NCKAP1: variants seen among roughly 807,000 people sequenced by gnomAD.
NCKAP1 encodes nck-associated protein 1.
Under a neutral mutation model 151.2 loss-of-function variants are expected in NCKAP1, and 21 were observed. The observed-to-expected ratio is 0.14, with a 90% CI of 0.10 to 0.20. The LOEUF (loss-of-function observed/expected upper bound fraction) is 0.20, where lower values mean the gene tolerates loss of function less well. Ranked by LOEUF, NCKAP1 falls within the 10% of genes least tolerant of loss-of-function variation. The pLI, the probability that NCKAP1 is intolerant of heterozygous loss-of-function variation, is 1.00. For synonymous variants in NCKAP1, 484 were observed against 451.8 expected (o/e 1.07, Z -0.90); for missense variants, 933 against 1,352.1 (o/e 0.69, Z 4.86).
rs959410975 is a variant in NCKAP1 at position 182,930,575 on chromosome 2, C to T, written c.2953+120G>A. On this transcript the variant is annotated intron_variant, in intron 27 of 30. Transcript: ENST00000361354. ...GTCCAAGTACCAGCAATAATAATAA[C>T]AAATTTAAAAAGCTGAACACAAAGC... The T allele has an allele frequency of 4.0e-6, 3 of 747,496 alleles. No homozygotes were observed. The African/African-American group carries it at 5.4e-5, about 13-fold the overall frequency. 46.3% of individuals were successfully genotyped at this position (747,496 alleles called of 1,614,324 possible).
chr2:182,929,762 G>GA (rs57842206), intron 27 of NCKAP1, among the ~76,000 whole-genome samples: 2,737 of 131,984 alleles, frequency 0.021, 25 homozygotes, highest in South Asian at 0.041. Context: ...ATTGTTAAAT[G>GA]AAAAAAAAAA....
At chr2:182,958,235 C>G (rs1187783071) in intron 18 of NCKAP1, among the ~76,000 whole-genome samples, 1 of 152,156 alleles carries the variant, frequency 6.6e-6, no homozygotes, top group African/African-American at 2.4e-5. Context: ...GCAACCTCTG[C>G]CTCCTGGGTT....
intron 17 of NCKAP1, 114 bp downstream of exon 17, chr2:182,964,562 G>T: frequency 2.6e-6 from 2 of 761,208 alleles, no homozygotes; most frequent in Non-Finnish European, 3.9e-6. Flanking sequence ...GCATAGAGAT[G>T]TATTCGATGG....
rs745895485 is a variant in NCKAP1 at position 183,038,139 on chromosome 2, C to G, written c.-40G>C. On this transcript the variant is annotated 5_prime_UTR_variant, in exon 1 of 31. Coordinates refer to ENST00000361354, the MANE Select transcript of NCKAP1 (RefSeq NM_013436.5). ...CGCCGCCGCCGCCGGCCGCCTCGCG[C>G]CCAGTCACGGGCCCGCGGCCTTCGC... The G allele has an allele frequency of 1.4e-6, 2 of 1,457,404 alleles. No individual in the cohort carries two copies. Among genetic ancestry groups the G allele is most frequent in the Admixed American group, 2.2e-5 (1 of 45,184 alleles). The allele number at this position is 1,457,404 out of a possible 1,614,324, so 90.3% of individuals were successfully genotyped here.
intron 2 of NCKAP1, among the ~76,000 whole-genome samples, chr2:183,014,379 T>A (rs959767902): frequency 2.0e-5 from 3 of 151,920 alleles, no homozygotes; most frequent in Non-Finnish European, 2.9e-5. Flanking sequence ...GAGAGACTAT[T>A]CCAGATAGTA....
In NCKAP1 at chr2:182,934,751, C is replaced by T; in HGVS notation, c.2859+1G>A. 7.3e-7 allele frequency: 1 copy of T among 1,373,524 alleles called. No individual in the cohort carries two copies. Among genetic ancestry groups the T allele is most frequent in the Non-Finnish European group, 1.0e-6 (1 of 977,970 alleles). The allele number at this position is 1,373,524 out of a possible 1,614,324, so 85.1% of individuals were successfully genotyped here. A position where few individuals can be genotyped will look rare whatever the true frequency, so the allele number is the denominator to read the frequency against. On this transcript the variant is annotated splice_donor_variant, in intron 26 of 30. Transcript: ENST00000361354. LOFTEE classifies it high-confidence loss of function. ...ACCCCAACTATAAATTATATTATTACCTTCATATCAGTTTCCCTTGGAATG... is the reference window on the plus strand; with the variant it reads ...ACCCCAACTATAAATTATATTATTATCTTCATATCAGTTTCCCTTGGAATG...
intron 2 of NCKAP1, among the ~76,000 whole-genome samples, chr2:183,008,860 CAT>C (rs1006753131): frequency 9.9e-5 from 15 of 152,160 alleles, no homozygotes; most frequent in Non-Finnish European, 1.3e-4. Flanking sequence ...GAGTGGCAAC[CAT>C]AGAGACTGAC....
At position 182,923,978 on chromosome 2, in the gene NCKAP1, C is replaced by T. The variant is rs1696592394; in HGVS notation, c.*1724G>A. 1.3e-5 allele frequency: 2 copies of T among 152,112 alleles called. No homozygotes were observed. The highest frequency in any genetic ancestry group is 2.9e-5 in the Non-Finnish European group (2 of 68,006). 9.4% of individuals were successfully genotyped at this position (152,112 alleles called of 1,614,324 possible). ...TTCCAAAGTGTACATATCCAAATTC[C>T]TACTTTACCTCTCCAGAGATCACTG... is the stretch of plus-strand genomic sequence containing the variant. On this transcript the variant is annotated 3_prime_UTR_variant, in exon 31 of 31. Transcript: ENST00000361354.
In NCKAP1 at chr2:182,916,746, A is replaced by C. The variant is rs1486166422; in HGVS notation, c.*8956T>G. 6.6e-6 allele frequency: 1 copy of C among 152,228 alleles called. No homozygotes were observed. The highest frequency in any genetic ancestry group is 1.9e-4 in the East Asian group (1 of 5,202). 9.4% of individuals were successfully genotyped at this position (152,228 alleles called of 1,614,324 possible). A position where few individuals can be genotyped will look rare whatever the true frequency, so the allele number is the denominator to read the frequency against. On this transcript the variant is annotated 3_prime_UTR_variant, in exon 31 of 31. Transcript: ENST00000361354. ...TACTGCAATAACATTTGAAAATACAAGCTTTACATCTTATACATTTTTGTG... is the reference window on the plus strand; with the variant it reads ...TACTGCAATAACATTTGAAAATACACGCTTTACATCTTATACATTTTTGTG...
At chr2:183,010,890 T>A (rs911893052) in intron 2 of NCKAP1, among the ~76,000 whole-genome samples, 4 of 152,228 alleles carry the variant, frequency 2.6e-5, no homozygotes, top group Non-Finnish European at 5.9e-5. Context: ...ATTTTAATAA[T>A]TTTTTAAAAC....
intron 3 of NCKAP1, 70 bp from the exon 4 acceptor site, chr2:183,003,100 T>G: frequency 7.1e-7 from 1 of 1,404,208 alleles, no homozygotes; most frequent in Non-Finnish European, 9.8e-7. Flanking sequence ...CACAAACAAA[T>G]AAGGTATGTG....
intron 10 of NCKAP1, among the ~76,000 whole-genome samples, chr2:182,984,764 T>G (rs1698016231): frequency 6.6e-6 from 1 of 152,216 alleles, no homozygotes; most frequent in Non-Finnish European, 1.5e-5. Flanking sequence ...GTTATTTTGA[T>G]TATTTTACTT....
intron 23 of NCKAP1, among the ~76,000 whole-genome samples, chr2:182,950,437 G>T (rs1697190560): frequency 6.6e-6 from 1 of 152,014 alleles, no homozygotes; most frequent in African/African-American, 2.4e-5. Context: ...AAAAAAATTG[G>T]AGATGAGAAA....
intron 23 of NCKAP1, among the ~76,000 whole-genome samples, chr2:182,950,679 G>T (rs568663933): frequency 6.6e-6 from 1 of 152,170 alleles, no homozygotes; most frequent in East Asian, 1.9e-4. Context: ...ATGATACAAT[G>T]AATACTAAAA....
At position 182,953,313 on chromosome 2, in the gene NCKAP1, A is replaced by T; in HGVS notation, c.2172T>A (p.Thr724=). The T allele has an allele frequency of 6.2e-7, 1 of 1,612,050 alleles. No homozygotes were observed. Among genetic ancestry groups the T allele is most frequent in the Non-Finnish European group, 8.5e-7 (1 of 1,178,608 alleles). The change falls in exon 21 of 31, where the codon ACT becomes ACA. Residue 724 remains threonine, a synonymous_variant. Transcript: ENST00000361354. ...TTTCCTGTGTGGCTTGATTATACAT[A>T]GTCATCCCAACAATTGACCTGGGAA... ...IRFTKSIVGM[T]MYNQATQEIA... is the part of the protein sequence containing the mutation.
At chr2:182,937,298 A>G (rs34254952) in intron 24 of NCKAP1, among the ~76,000 whole-genome samples, 25,403 of 151,982 alleles carry the variant, frequency 0.17, 4,181 homozygotes, top group African/African-American at 0.43. Context: ...AAGTTCTAAG[A>G]TACTTCACAG....
intron 7 of NCKAP1, among the ~76,000 whole-genome samples, 173 bp from the exon 8 acceptor site, chr2:182,995,060 C>T (rs1229375928): frequency 6.6e-6 from 1 of 152,176 alleles, no homozygotes; most frequent in Non-Finnish European, 1.5e-5. Flanking sequence ...CTGAAACTTG[C>T]AGTCAATAAA....
At chr2:182,996,056 G>A (rs947765209) in intron 6 of NCKAP1, among the ~76,000 whole-genome samples, 109 of 152,228 alleles carry the variant, frequency 7.2e-4, no homozygotes, top group African/African-American at 2.6e-3. Context: ...GCGTTTTTGA[G>A]CAAAAGCTTA....
intron 2 of NCKAP1, among the ~76,000 whole-genome samples, chr2:183,017,973 G>A (rs1459030966): frequency 2.6e-5 from 4 of 152,160 alleles, no homozygotes; most frequent in Non-Finnish European, 5.9e-5. Context: ...TACCTGGCCG[G>A]GTGCGGTGGC....
Sources: allele counts gnomAD v4.1 joint callset (sites outside exome capture counted in the v4.1 genomes callset), GRCh38; gene constraint gnomAD v4.1.1; transcripts MANE v1.5; gene names NCBI Gene and HGNC (gene_info 2026-07-23, HGNC 2026-07-21).